Variants in SLIRP observed in about 807,000 individuals in gnomAD.
SLIRP encodes the protein SRA stem-loop-interacting RNA-binding protein, mitochondrial.
A neutral mutation model predicts 13.4 loss-of-function variants in SLIRP; 12 were observed. The ratio of observed to expected loss-of-function variants is 0.89; its 90% CI spans 0.57 to 1.45. The LOEUF is 1.45. Among genes scored for constraint, SLIRP ranks in the 40% most tolerant of loss-of-function variants. The pLI is 0.00. For synonymous variants in SLIRP, 55 were observed against 47.1 expected (o/e 1.17, Z -0.69); for missense variants, 154 against 132.2 (o/e 1.17, Z -0.81).
At chr14:77,711,253 A>G (rs1031620799) in intron 2 of SLIRP, among the ~76,000 whole-genome samples, 5 of 148,448 alleles carry the variant, frequency 3.4e-5, no homozygotes, top group Admixed American at 6.7e-5. Context: ...ATATAAATAT[A>G]TATAAATATA....
rs561335298 is a variant in SLIRP, at chr14:77,713,455, C to CT, written c.157-2316dup. On this transcript the variant is annotated intron_variant, in intron 2 of 3. Coordinates refer to ENST00000557342, the MANE Select transcript of SLIRP (RefSeq NM_031210.6). ...TTTAATGTTACTTGACTCCCAAAGA[C>CT]TAACAGATTAGTTATATATAGTGCC... 3.3e-4 allele frequency among the ~76,000 whole-genome samples: 51 copies of CT among 152,298 alleles called. 4 individuals are homozygous for CT. In the East Asian group the frequency reaches 9.6e-3, roughly 29 times the overall value.
In SLIRP at chr14:77,717,490, T is replaced by C. The variant is rs372676605; in HGVS notation, c.265-6T>C. On this transcript the variant is annotated splice_polypyrimidine_tract_variant and splice_region_variant and intron_variant, in intron 3 of 3. Coordinates refer to ENST00000557342, the MANE Select transcript of SLIRP (RefSeq NM_031210.6). ...TTTCCTCCCTTACAGTGCTTATTTT[T>C]TTAAGGTCCAGGTTCACACTAGAAG... 12 of 1,611,908 alleles carry C rather than the reference T, an allele frequency of 7.4e-6. No homozygotes were observed. The highest frequency in any genetic ancestry group is 1.0e-5 in the Non-Finnish European group (12 of 1,179,412).
In SLIRP at chr14:77,715,758, T is replaced by G. The variant is rs1207213110; in HGVS notation, c.157-14T>G. ...AGTTCATGATTAATCTTTTCCTATA[T>G]TTTGAATTTTTAGGACAAGGAGACT... On this transcript the variant is annotated splice_polypyrimidine_tract_variant and intron_variant, in intron 2 of 3. Coordinates refer to ENST00000557342, the MANE Select transcript of SLIRP (RefSeq NM_031210.6). The G allele has an allele frequency of 3.7e-6, 6 of 1,600,376 alleles. No individual in the cohort carries two copies. Among genetic ancestry groups the G allele is most frequent in the Non-Finnish European group, 5.1e-6 (6 of 1,173,968 alleles).
At chr14:77,712,440 AT>A (rs55773743) in intron 2 of SLIRP, among the ~76,000 whole-genome samples, 1,082 of 87,138 alleles carry the variant, frequency 0.012, 56 homozygotes, top group African/African-American at 0.048. Context: ...CGACCGGCTA[AT>A]TTTTTTTTTT....
At chr14:77,714,702 G>C (rs949282683) in intron 2 of SLIRP, among the ~76,000 whole-genome samples, 9 of 152,242 alleles carry the variant, frequency 5.9e-5, no homozygotes, top group Admixed American at 5.9e-4. Flanking sequence ...GGATCATTGG[G>C]ACATCACCAG....
chr14:77,709,276 A>G (rs2080421587), intron 1 of SLIRP, among the ~76,000 whole-genome samples: 1 of 152,212 alleles, frequency 6.6e-6, no homozygotes. Context: ...TTTTGTAGAT[A>G]TTCATGTTTC....
chr14:77,710,048 A>G (rs532426896), intron 1 of SLIRP, among the ~76,000 whole-genome samples: 6 of 152,350 alleles, frequency 3.9e-5, no homozygotes, highest in South Asian at 2.1e-4. Context: ...GTGAACTAGG[A>G]GAACTAAATA....
intron 2 of SLIRP, among the ~76,000 whole-genome samples, chr14:77,715,308 G>C (rs935753504): frequency 1.3e-5 from 2 of 152,140 alleles, no homozygotes; most frequent in African/African-American, 4.8e-5. Flanking sequence ...GGGTAATCAG[G>C]AAGGGTGTAA....
intron 1 of SLIRP, among the ~76,000 whole-genome samples, chr14:77,710,340 G>T (rs138432051): frequency 6.6e-6 from 1 of 152,122 alleles, no homozygotes; most frequent in African/African-American, 2.4e-5. Context: ...AGGGTAACCC[G>T]CAGGACAGAT....
intron 1 of SLIRP, among the ~76,000 whole-genome samples, chr14:77,708,836 G>A (rs2080417390): frequency 6.6e-6 from 1 of 152,194 alleles, no homozygotes; most frequent in South Asian, 2.1e-4. Flanking sequence ...TTGGACAAAG[G>A]TTGTATATCA....
At chr14:77,712,246 C>T (rs2139877689) in intron 2 of SLIRP, among the ~76,000 whole-genome samples, 1 of 150,696 alleles carries the variant, frequency 6.6e-6, no homozygotes, top group South Asian at 2.1e-4. Flanking sequence ...GACTGACTTG[C>T]AAGCTCCCTC....
At chr14:77,711,226 T>C (rs1465001807) in intron 2 of SLIRP, among the ~76,000 whole-genome samples, 1 of 144,424 alleles carries the variant, frequency 6.9e-6, no homozygotes, top group Non-Finnish European at 1.5e-5. Flanking sequence ...AATATATAAA[T>C]ATATACACCT....
intron 1 of SLIRP, chr14:77,710,581 C>A (rs1307858996): frequency 2.0e-6 from 3 of 1,477,884 alleles, no homozygotes; most frequent in East Asian, 2.8e-5. Context: ...AGCACAGTAA[C>A]TGGTATGAAA....
intron 2 of SLIRP, among the ~76,000 whole-genome samples, chr14:77,712,505 C>T (rs541900131): frequency 2.3e-5 from 3 of 130,236 alleles, no homozygotes; most frequent in African/African-American, 3.0e-5. Flanking sequence ...AGTGCAGTGG[C>T]GCGATCTCGG....
At position 77,708,124 on chromosome 14, in the gene SLIRP, G is replaced by A. The variant is rs745962095; in HGVS notation, c.13G>A (p.Ala5Thr). 1.1e-5 allele frequency: 18 copies of A among 1,614,038 alleles called. No homozygotes were observed. In the East Asian group the frequency reaches 2.2e-4, roughly 20 times the overall value. Residue 5 changes from alanine to threonine, a missense_variant, in exon 1 of 4, where the codon GCA (alanine) becomes ACA (threonine). Transcript: ENST00000557342. ...CTTTAGTCTGAAGATGGCGGCCTCA[G>A]CAGCGAGAGGTGCTGCGGCGCTGCG... MAAS[A>T]ARGAAALRRS...
At chr14:77,715,747 CT>C (rs772584063) in intron 2 of SLIRP, 24 bp from the exon 3 acceptor site, 1 of 1,584,246 alleles carries the variant, frequency 6.3e-7, no homozygotes, top group South Asian at 1.1e-5. Flanking sequence ...CATGATTAAT[CT>C]TTTCCTATAT....
intron 3 of SLIRP, chr14:77,716,322 CA>C (rs2139883184): frequency 8.7e-6 from 1 of 115,054 alleles, no homozygotes; most frequent in Non-Finnish European, 1.8e-5. Flanking sequence ...CTCAAACAAA[CA>C]AACAAACAAA....
chr14:77,712,903 G>C (rs1019175774), intron 2 of SLIRP, among the ~76,000 whole-genome samples: 4 of 152,174 alleles, frequency 2.6e-5, no homozygotes, highest in Admixed American at 2.0e-4. Flanking sequence ...TTTAAAGCCA[G>C]CAAGGGCTTC....
intron 3 of SLIRP, 100 bp from the exon 4 acceptor site, chr14:77,717,396 G>A: frequency 1.0e-6 from 1 of 964,976 alleles, no homozygotes; most frequent in Non-Finnish European, 1.6e-6. Flanking sequence ...AACTGCCTGG[G>A]TTATTCATTA....
Sources: allele counts gnomAD v4.1 joint callset (sites outside exome capture counted in the v4.1 genomes callset), GRCh38; gene constraint gnomAD v4.1.1; transcripts MANE v1.5; gene names NCBI Gene and HGNC (gene_info 2026-07-23, HGNC 2026-07-21).